Variants in GLT8D2 observed in about 807,000 individuals in gnomAD.
GLT8D2 encodes the protein glycosyltransferase 8 domain containing 2.
A neutral mutation model predicts 44.5 loss-of-function variants in GLT8D2; 45 were observed. That is an observed-to-expected ratio of 1.01 (90% confidence interval 0.80 to 1.30). The LOEUF (loss-of-function observed/expected upper bound fraction) is 1.30. GLT8D2 is among the 50% of genes most tolerant of loss of function. GLT8D2 has a pLI of 0.00. For missense variants in GLT8D2, 400 were observed against 430.4 expected (o/e 0.93, Z 0.62); for synonymous variants, 156 against 157.2 (o/e 0.99, Z 0.06).
Position 104,003,146 on chromosome 12 carries a change from C to T in GLT8D2, c.273G>A (p.Leu91=). 1 of 1,613,848 alleles carries T rather than the reference C, an allele frequency of 6.2e-7. No individual in the cohort carries two copies. The highest frequency in any genetic ancestry group is 8.5e-7 in the Non-Finnish European group (1 of 1,179,826). ...LFYVVGLRNT[L]TRIRKWIEHS... is the part of the protein sequence containing the mutation. ...AAGACATAACTTACCGTATTCGAGT[C>T]AGAGTATTCCGGAGTCCCACTACAT... The change falls in exon 5 of 11, where the codon CTG becomes CTA. Residue 91 remains leucine, a synonymous_variant. Coordinates refer to ENST00000360814, the MANE Select transcript of GLT8D2 (RefSeq NM_001384711.1).
At chr12:104,037,363 A>G (rs1018782556) in intron 1 of GLT8D2, among the ~76,000 whole-genome samples, 10 of 152,230 alleles carry the variant, frequency 6.6e-5, no homozygotes, top group Admixed American at 5.2e-4. Context: ...CAAAAAATCA[A>G]TGAATCCAGG....
chr12:104,015,458 T>C (rs1226816884), intron 3 of GLT8D2, among the ~76,000 whole-genome samples: 1 of 146,368 alleles, frequency 6.8e-6, no homozygotes, highest in Non-Finnish European at 1.5e-5. Flanking sequence ...CGTGGTGGCA[T>C]GCACCTGTAG....
chr12:104,045,883 AAAGAAAGAT>A (rs1881025236), intron 1 of GLT8D2, among the ~76,000 whole-genome samples: 3 of 129,332 alleles, frequency 2.3e-5, no homozygotes, highest in African/African-American at 8.8e-5. Flanking sequence ...AAAGAAAAGA[AAAGAAAGAT>A]AAGAAAGAAA....
intron 3 of GLT8D2, among the ~76,000 whole-genome samples, chr12:104,019,388 A>G (rs540639379): frequency 6.6e-6 from 1 of 152,210 alleles, no homozygotes; most frequent in Non-Finnish European, 1.5e-5. Flanking sequence ...TCAGCCTCCC[A>G]AAGTGCTAGG....
At chr12:104,012,857 C>T in intron 4 of GLT8D2, 1 of 693,408 alleles carries the variant, frequency 1.4e-6, no homozygotes, top group Non-Finnish European at 2.6e-6. Context: ...GAGAATCACA[C>T]AGAGGGTCAC....
At chr12:104,029,376 T>G (rs1878966626) in intron 1 of GLT8D2, among the ~76,000 whole-genome samples, 1 of 152,146 alleles carries the variant, frequency 6.6e-6, no homozygotes, top group African/African-American at 2.4e-5. Context: ...TGGGGAAATA[T>G]TATGGCATTA....
chr12:104,041,792 T>C (rs1880586779), intron 1 of GLT8D2, among the ~76,000 whole-genome samples: 1 of 152,140 alleles, frequency 6.6e-6, no homozygotes, highest in Non-Finnish European at 1.5e-5. Context: ...CCAGTAAATA[T>C]ATAATGGCAA....
chr12:104,015,355 C>T (rs1010941545), intron 3 of GLT8D2, among the ~76,000 whole-genome samples: 6 of 150,270 alleles, frequency 4.0e-5, no homozygotes, highest in Admixed American at 6.7e-5. Flanking sequence ...TCGAGACCAG[C>T]CTGGGCAACA....
intron 4 of GLT8D2, among the ~76,000 whole-genome samples, chr12:104,003,709 T>C (rs1874563853): frequency 1.3e-5 from 2 of 152,276 alleles, no homozygotes; most frequent in African/African-American, 4.8e-5. Context: ...AAGCTACTTG[T>C]TGAGGTCACC....
chr12:104,041,004 C>T (rs1027232906), intron 1 of GLT8D2, among the ~76,000 whole-genome samples: 4 of 152,134 alleles, frequency 2.6e-5, no homozygotes, highest in Non-Finnish European at 4.4e-5. Flanking sequence ...CGGTGGCTCA[C>T]GCCTGTAATC....
chr12:103,989,577 C>A lies in GLT8D2; in HGVS notation c.881G>T (p.Gly294Val). 1.9e-6 allele frequency: 3 copies of A among 1,609,730 alleles called. No homozygotes were observed. Among genetic ancestry groups the A allele is most frequent in the Non-Finnish European group, 2.5e-6 (3 of 1,177,828 alleles). Residue 294 changes from glycine to valine, a missense_variant and splice_region_variant, in exon 11 of 11, where the codon GGC becomes GTC. By Grantham distance (109) the Gly-to-Val change is moderately radical (BLOSUM62 -3). Coordinates refer to ENST00000360814, the MANE Select transcript of GLT8D2 (RefSeq NM_001384711.1). ...INPLWHIRHL[G>V]WNPDARYSEH... is the part of the protein sequence containing the mutation. ...CGAATATCTGGCATCTGGATTCCAG[C>A]CTTCATTGTGTATAGAGAAAAAATA...
At chr12:104,003,045 A>G (rs1463751756) in intron 5 of GLT8D2, 90 bp downstream of exon 5, 5 of 944,546 alleles carry the variant, frequency 5.3e-6, no homozygotes, top group Non-Finnish European at 8.1e-6. Flanking sequence ...AAAGAAAGAA[A>G]AGAAGAAGAA....
chr12:104,036,343 C>T (rs1446068435), intron 1 of GLT8D2, among the ~76,000 whole-genome samples: 2 of 151,982 alleles, frequency 1.3e-5, no homozygotes, highest in African/African-American at 4.8e-5. Context: ...ACTATATGTC[C>T]CAATTAAAAG....
At position 104,016,732 on chromosome 12, in the gene GLT8D2, A is replaced by G. The variant is rs1207554807; in HGVS notation, c.20-1627T>C. ...GAGAGAAAGAAAGAAAGAAAGAAAG[A>G]AAGAAAGAAAGAAAGAAAGAAAGAA... On this transcript the variant is annotated intron_variant, in intron 3 of 10. Transcript: ENST00000360814. Among the ~76,000 whole-genome samples the G allele has an allele frequency of 1.0e-3, 84 of 83,848 alleles. 1 individual carries two copies. Among genetic ancestry groups the G allele is most frequent in the Admixed American group, 2.1e-3 (16 of 7,510 alleles). 55.0% of individuals were successfully genotyped at this position (83,848 alleles called of 152,430 possible).
chr12:103,992,679 G>C (rs1406708152), intron 10 of GLT8D2, among the ~76,000 whole-genome samples: 1 of 151,994 alleles, frequency 6.6e-6, no homozygotes, highest in Non-Finnish European at 1.5e-5. Flanking sequence ...TTTTAGCAGA[G>C]ACGGGTTTCA....
intron 1 of GLT8D2, among the ~76,000 whole-genome samples, chr12:104,032,549 T>C (rs928716019): frequency 7.5e-6 from 1 of 132,572 alleles, no homozygotes; most frequent in African/African-American, 3.0e-5. Flanking sequence ...GGCCAAGAGG[T>C]ATATGAAAAG....
intron 1 of GLT8D2, among the ~76,000 whole-genome samples, chr12:104,042,398 C>T (rs1880658750): frequency 6.6e-6 from 1 of 152,192 alleles, no homozygotes; most frequent in South Asian, 2.1e-4. Flanking sequence ...CCATCAATAC[C>T]TACCTCCTCC....
rs367688786 is a variant in GLT8D2, at chr12:104,015,089, C to A, written c.36G>T (p.Leu12=). Residue 12 remains leucine (L), a synonymous_variant, in exon 4 of 11, where the codon CTG becomes CTT. Transcript: ENST00000360814. ...CACAGAGGGTCACGATCAGAAGGAA[C>A]AGCAGCACCTGATTAACTGAAATAG... The part of the protein sequence containing the change: ...ALLRKINQVL[L]FLLIVTLCVI... The A allele has an allele frequency of 3.7e-6, 6 of 1,613,276 alleles. No individual in the cohort carries two copies. The highest frequency in any genetic ancestry group is 5.1e-6 in the Non-Finnish European group (6 of 1,179,318).
intron 4 of GLT8D2, among the ~76,000 whole-genome samples, chr12:104,006,272 A>G (rs1329531014): frequency 6.6e-6 from 1 of 152,092 alleles, no homozygotes; most frequent in Non-Finnish European, 1.5e-5. Flanking sequence ...GATATACCTG[A>G]TGTAAATGAC....
Sources: gnomAD v4.1 joint callset for allele counts (sites outside exome capture counted in the v4.1 genomes callset) on GRCh38, gnomAD v4.1.1 for gene constraint, MANE v1.5 for transcripts, NCBI Gene and HGNC (gene_info 2026-07-23, HGNC 2026-07-21) for gene names.